DAP: variants seen among roughly 807,000 people sequenced by gnomAD.
DAP encodes the protein death-associated protein 1.
DAP carries 8 observed loss-of-function variants against 13.8 expected under a neutral mutation model. The ratio of observed to expected loss-of-function variants is 0.58; its 90% CI spans 0.34 to 1.05. The LOEUF (loss-of-function observed/expected upper bound fraction) is 1.05. Among genes scored for constraint, DAP ranks in the 50% least tolerant of loss-of-function variants. The pLI is 0.03. For missense variants in DAP, 106 were observed against 133.2 expected (o/e 0.80, Z 1.01); for synonymous variants, 47 against 47.5 (o/e 0.99, Z 0.04).
intron 1 of DAP, among the ~76,000 whole-genome samples, chr5:10,754,049 A>G (rs1740114572): frequency 6.6e-6 from 1 of 152,232 alleles, no homozygotes; most frequent in Non-Finnish European, 1.5e-5. Flanking sequence ...CAATGCGAAC[A>G]GGGCAAGGGA....
chr5:10,759,351 G>A (rs1740281174), intron 1 of DAP, among the ~76,000 whole-genome samples: 2 of 152,188 alleles, frequency 1.3e-5, no homozygotes, highest in Non-Finnish European at 2.9e-5. Flanking sequence ...GCCCTGCCCG[G>A]GGTGGAAATC....
At position 10,708,995 on chromosome 5, in the gene DAP, C is replaced by A. The variant is rs537203985; in HGVS notation, c.153-25424G>T. Among the ~76,000 whole-genome samples the A allele has an allele frequency of 2.0e-5, 3 of 152,378 alleles. No homozygotes were observed. The South Asian group carries it at 6.2e-4, about 32-fold the overall frequency. On this transcript the variant is annotated intron_variant, in intron 2 of 3. Coordinates refer to ENST00000230895, the MANE Select transcript of DAP (RefSeq NM_004394.3). The stretch of plus-strand genomic sequence containing the variant: ...ATATTAAAATCAAAAGACCCTCAAT[C>A]TACAAATAATTGATACGTTCATTAC...
rs774626270 is a variant in DAP, at chr5:10,681,141, G to A, written c.224C>T (p.Ala75Val). The A allele has an allele frequency of 6.5e-5, 99 of 1,528,524 alleles. 1 individual carries two copies. In the South Asian group the frequency reaches 9.3e-4, roughly 14 times the overall value. 94.7% of individuals were successfully genotyped at this position (1,528,524 alleles called of 1,614,324 possible). A position where few individuals can be genotyped will look rare whatever the true frequency, so the allele number is the denominator to read the frequency against. Residue 75 changes from alanine (A) to valine (V), a missense_variant, in exon 4 of 4, where the codon GCG becomes GTG. Transcript: ENST00000230895. ...RGDKDFPPAA[A>V]QVAHQKPHAS... ...ATGCGGCTTCTGGTGAGCCACCTGC[G>A]CAGCCGCCGGGGGGAAATCTTTGTC...
chr5:10,741,925 CTT>C (rs1739766380), intron 2 of DAP, among the ~76,000 whole-genome samples: 1 of 152,220 alleles, frequency 6.6e-6, no homozygotes, highest in South Asian at 2.1e-4. Context: ...TAAAGACACT[CTT>C]TTCATTTTGT....
intron 2 of DAP, among the ~76,000 whole-genome samples, chr5:10,697,241 TG>T (rs1234171709): frequency 1.3e-5 from 2 of 152,208 alleles, no homozygotes; most frequent in African/African-American, 4.8e-5. Context: ...CCCTAGGAAG[TG>T]CCTGCTCACC....
At chr5:10,737,345 C>CA (rs35941385) in intron 2 of DAP, among the ~76,000 whole-genome samples, 41,602 of 102,104 alleles carry the variant, frequency 0.41, 7,255 homozygotes, top group Middle Eastern at 0.6. Flanking sequence ...GACTCTGTCT[C>CA]AAAAAAAAAA....
At chr5:10,757,511 T>A (rs2111403405) in intron 1 of DAP, among the ~76,000 whole-genome samples, 1 of 152,276 alleles carries the variant, frequency 6.6e-6, no homozygotes, top group East Asian at 1.9e-4. Context: ...TGAGCTCAGG[T>A]GCTCTCCCCA....
rs1737972805 is a variant in DAP at position 10,680,980 on chromosome 5, C to T, written c.*76G>A. ...CCAGCAGAGTAGGATTTGGGCGAAACTGCTGGTTCTCTCTGTCAGGGAAAT... is the reference window on the plus strand; with the variant it reads ...CCAGCAGAGTAGGATTTGGGCGAAATTGCTGGTTCTCTCTGTCAGGGAAAT... On this transcript the variant is annotated 3_prime_UTR_variant, in exon 4 of 4. Transcript: ENST00000230895. 2 of 1,547,686 alleles carry T rather than the reference C, an allele frequency of 1.3e-6. No individual in the cohort carries two copies. The highest frequency in any genetic ancestry group is 1.4e-5 in the African/African-American group (1 of 73,154).
At position 10,680,390 on chromosome 5, in the gene DAP, G is replaced by A. The variant is rs1182183078; in HGVS notation, c.*666C>T. 1 of 321,098 alleles carries A rather than the reference G, an allele frequency of 3.1e-6. No individual in the cohort carries two copies. The highest frequency in any genetic ancestry group is 5.8e-6 in the Non-Finnish European group (1 of 173,192). The allele number at this position is 321,098 out of a possible 1,614,324, so 19.9% of individuals were successfully genotyped here. ...TGGGCTTGCCGTGCCGAGATCTCAT[G>A]CCAGAAGTCCTCCCTCGGAGCTACC... On this transcript the variant is annotated 3_prime_UTR_variant, in exon 4 of 4. Transcript: ENST00000230895.
At chr5:10,760,201 A>G (rs1404736998) in intron 1 of DAP, among the ~76,000 whole-genome samples, 1 of 152,236 alleles carries the variant, frequency 6.6e-6, no homozygotes, top group Non-Finnish European at 1.5e-5. Context: ...CATACATTGA[A>G]GTGACTTGGC....
At chr5:10,731,265 G>C (rs193243339) in intron 2 of DAP, among the ~76,000 whole-genome samples, 37 of 151,288 alleles carry the variant, frequency 2.4e-4, no homozygotes, top group Admixed American at 2.1e-3. Flanking sequence ...AGCCCTGGTG[G>C]GGGGAATCTT....
Position 10,751,462 on chromosome 5 carries a change from G to GGAA in DAP, c.56-3194_56-3192dup, listed in dbSNP as rs555252351. Among the ~76,000 whole-genome samples the GGAA allele has an allele frequency of 1.7e-3, 253 of 152,256 alleles. 1 individual carries two copies. Among genetic ancestry groups the GGAA allele is most frequent in the African/African-American group, 5.9e-3 (245 of 41,522 alleles). On this transcript the variant is annotated intron_variant, in intron 1 of 3. Coordinates refer to ENST00000230895, the MANE Select transcript of DAP (RefSeq NM_004394.3). ...AGAGTTATGAATGTTTCGGGCTCAA[G>GGAA]GAAGAGCTTAGAAGAACTGTCCCAC... is the stretch of plus-strand genomic sequence containing the variant.
intron 2 of DAP, among the ~76,000 whole-genome samples, chr5:10,714,904 C>A (rs1368268988): frequency 6.6e-6 from 1 of 152,160 alleles, no homozygotes; most frequent in Non-Finnish European, 1.5e-5. Flanking sequence ...TCCCTGAGGC[C>A]TCCCCAGAAG....
intron 1 of DAP, among the ~76,000 whole-genome samples, chr5:10,760,497 T>C (rs1384589134): frequency 1.3e-5 from 2 of 152,066 alleles, no homozygotes; most frequent in African/African-American, 2.4e-5. Context: ...AAAATCTGGA[T>C]GTGGAAGAAA....
intron 2 of DAP, among the ~76,000 whole-genome samples, chr5:10,700,119 G>GAGC (rs1738538861): frequency 6.6e-6 from 1 of 152,224 alleles, no homozygotes; most frequent in Non-Finnish European, 1.5e-5. Flanking sequence ...TACTTCTAGG[G>GAGC]AGCATTAGGG....
chr5:10,685,670 G>A (rs925892560), intron 2 of DAP, among the ~76,000 whole-genome samples: 7 of 152,192 alleles, frequency 4.6e-5, no homozygotes, highest in South Asian at 2.1e-4. Flanking sequence ...CCGTCTTTCC[G>A]TAGCAGGAGT....
chr5:10,732,120 C>T (rs902077809), intron 2 of DAP, among the ~76,000 whole-genome samples: 1 of 152,264 alleles, frequency 6.6e-6, no homozygotes, highest in African/African-American at 2.4e-5. Context: ...TCAGTGATGA[C>T]AATGTGCAGG....
chr5:10,693,477 T>G (rs957544109), intron 2 of DAP, among the ~76,000 whole-genome samples: 1 of 152,222 alleles, frequency 6.6e-6, no homozygotes, highest in Non-Finnish European at 1.5e-5. Context: ...ATCACCACTA[T>G]GTACTATGGA....
chr5:10,741,606 A>G (rs1453816750), intron 2 of DAP, among the ~76,000 whole-genome samples: 1 of 152,240 alleles, frequency 6.6e-6, no homozygotes, highest in East Asian at 1.9e-4. Context: ...TTCTGAAGGC[A>G]GACTAAGTTA....
Sources: gnomAD v4.1 joint callset for allele counts (sites outside exome capture counted in the v4.1 genomes callset) on GRCh38, gnomAD v4.1.1 for gene constraint, MANE v1.5 for transcripts, NCBI Gene and HGNC (gene_info 2026-07-23, HGNC 2026-07-21) for gene names.